The following SNTG1 variants were observed in gnomAD, a reference collection of about 807,000 sequenced individuals.
The protein encoded by SNTG1 is gamma-1-syntrophin.
In SNTG1, 39 loss-of-function variants were observed where a neutral mutation model predicts 74.7. The observed-to-expected ratio is 0.52, with a 90% confidence interval of 0.40 to 0.68. SNTG1 has a LOEUF of 0.68. Among genes scored for constraint, SNTG1 ranks in the 30% least tolerant of loss-of-function variants. SNTG1 has a pLI of 0.00. For synonymous variants in SNTG1, 254 were observed against 217.1 expected, an observed-to-expected ratio of 1.17 and a Z score of -1.49; for missense variants, 685 against 609.5, an observed-to-expected ratio of 1.12 and a Z score of -1.30.
intron 1 of SNTG1, among the ~76,000 whole-genome samples, chr8:50,100,173 A>T (rs203629): frequency 0.45 from 68,591 of 151,926 alleles, 19,324 homozygotes; most frequent in East Asian, 0.68. Context: ...AGAAAAGTTA[A>T]TACCACATGT....
intron 2 of SNTG1, among the ~76,000 whole-genome samples, chr8:50,260,495 T>G (rs147089269): frequency 1.7e-3 from 245 of 142,958 alleles, no homozygotes; most frequent in Non-Finnish European, 3.2e-3. Flanking sequence ...ACCCAGTACA[T>G]CACATCCAGC....
intron 2 of SNTG1, among the ~76,000 whole-genome samples, chr8:50,225,187 T>A (rs2085266679): frequency 6.6e-6 from 1 of 152,094 alleles, no homozygotes; most frequent in African/African-American, 2.4e-5. Flanking sequence ...TTAGACAGGA[T>A]GGTCTTGATC....
intron 1 of SNTG1, among the ~76,000 whole-genome samples, chr8:50,170,102 T>C (rs567321830): frequency 1.2e-4 from 19 of 152,296 alleles, no homozygotes; most frequent in Middle Eastern, 6.8e-3. Context: ...CTTTGGACAT[T>C]GTGTTCTAGT....
At chr8:50,387,166 G>A (rs2092588365) in intron 2 of SNTG1, among the ~76,000 whole-genome samples, 1 of 152,194 alleles carries the variant, frequency 6.6e-6, no homozygotes, top group Middle Eastern at 3.4e-3. Flanking sequence ...CATAACCATG[G>A]CCTCTTTGTC....
chr8:50,191,399 C>G (rs926443292), intron 2 of SNTG1, among the ~76,000 whole-genome samples: 14 of 152,040 alleles, frequency 9.2e-5, no homozygotes, highest in Admixed American at 2.0e-4. Flanking sequence ...ATAGGATGCT[C>G]TAATATGCCA....
At chr8:50,467,281 G>A (rs548383500) in intron 8 of SNTG1, among the ~76,000 whole-genome samples, 2 of 151,938 alleles carry the variant, frequency 1.3e-5, no homozygotes, top group East Asian at 1.9e-4. Context: ...ATTTACTAAC[G>A]AAACTCTAGA....
At position 50,427,379 on chromosome 8, in the gene SNTG1, TAAAGA is replaced by T. The variant is rs1181204617; in HGVS notation, c.163-11160_163-11156del. Among the ~76,000 whole-genome samples, 4 of 152,216 alleles carry T rather than the reference TAAAGA, an allele frequency of 2.6e-5. No individual in the cohort carries two copies. In the East Asian group the frequency reaches 7.7e-4, roughly 29 times the overall value. ...TTAAAAACTGTATTGAAGACACTGT[TAAAGA>T]AAACAGACACTAATGCAAATATTCA... On this transcript the variant is annotated intron_variant, in intron 4 of 18. Coordinates refer to ENST00000642720, the MANE Select transcript of SNTG1 (RefSeq NM_018967.5).
Position 49,938,602 on chromosome 8 carries a change from C to CTTTT in SNTG1, c.-103+26372_-103+26375dup, listed in dbSNP as rs371390753. On this transcript the variant is annotated intron_variant, in intron 1 of 18. Coordinates refer to ENST00000642720, the MANE Select transcript of SNTG1 (RefSeq NM_018967.5). ...CTTTTCTTTTCTTTTCTTTTCTTTTCTTTTCTTTCTTTCTTTCTTTCTTTC... is the reference window on the plus strand; with the variant it reads ...CTTTTCTTTTCTTTTCTTTTCTTTTCTTTTTTTTCTTTCTTTCTTTCTTTCTTTC... Among the ~76,000 whole-genome samples, 13 of 8,104 alleles carry CTTTT rather than the reference C, an allele frequency of 1.6e-3. 1 individual carries two copies. The East Asian group carries it at 0.094, about 58-fold the overall frequency. The allele number at this position is 8,104 out of a possible 152,430, so 5.3% of individuals were successfully genotyped here.
intron 15 of SNTG1, among the ~76,000 whole-genome samples, chr8:50,692,167 C>G (rs535764004): frequency 1.3e-5 from 2 of 151,998 alleles, no homozygotes; most frequent in Admixed American, 1.3e-4. Context: ...TTTTTCAAAG[C>G]TTTTAACTTC....
At chr8:50,567,088 A>C (rs1193009454) in intron 12 of SNTG1, among the ~76,000 whole-genome samples, 1 of 152,096 alleles carries the variant, frequency 6.6e-6, no homozygotes, top group East Asian at 1.9e-4. Flanking sequence ...GATTCTCAAG[A>C]ATCATTATTT....
intron 2 of SNTG1, among the ~76,000 whole-genome samples, chr8:50,291,071 C>T (rs867627455): frequency 7.9e-5 from 12 of 152,264 alleles, no homozygotes; most frequent in African/African-American, 2.4e-4. Flanking sequence ...TTTATTCATT[C>T]TTGCATATGT....
intron 3 of SNTG1, among the ~76,000 whole-genome samples, chr8:50,394,779 A>G (rs899000673): frequency 6.6e-6 from 1 of 151,958 alleles, no homozygotes; most frequent in African/African-American, 2.4e-5. Context: ...TCAAGTTTAC[A>G]GTTCAATAGT....
intron 2 of SNTG1, among the ~76,000 whole-genome samples, chr8:50,304,091 C>T (rs181650702): frequency 3.9e-5 from 6 of 152,222 alleles, no homozygotes; most frequent in Non-Finnish European, 7.4e-5. Flanking sequence ...AGAGGTGGGG[C>T]CTTTAAGAGG....
intron 13 of SNTG1, among the ~76,000 whole-genome samples, chr8:50,650,556 T>G (rs748111881): frequency 6.0e-4 from 92 of 152,174 alleles, no homozygotes; most frequent in Non-Finnish European, 1.1e-3. Context: ...TTAAAAAGAT[T>G]CACTAGTTCC....
At chr8:50,337,379 G>T (rs1190051388) in intron 2 of SNTG1, among the ~76,000 whole-genome samples, 1 of 152,158 alleles carries the variant, frequency 6.6e-6, no homozygotes, top group Non-Finnish European at 1.5e-5. Context: ...ATCTCCTAGA[G>T]GTCAAGCCTC....
Position 50,247,871 on chromosome 8 carries a change from C to G in SNTG1, c.-28+75236C>G, listed in dbSNP as rs569452849. 4.1e-3 allele frequency among the ~76,000 whole-genome samples: 627 copies of G among 151,950 alleles called. 4 individuals are homozygous for G. Among genetic ancestry groups the G allele is most frequent in the African/African-American group, 0.014 (565 of 41,412 alleles). Reference sequence around the variant, plus strand: ...ATTTTCCATGAGCTTTTTGAAGACCCTTTGTATTTATTGTCTCATAATTTT... The same window carrying G: ...ATTTTCCATGAGCTTTTTGAAGACCGTTTGTATTTATTGTCTCATAATTTT... On this transcript the variant is annotated intron_variant, in intron 2 of 18. Coordinates refer to ENST00000642720, the MANE Select transcript of SNTG1 (RefSeq NM_018967.5).
chr8:50,293,865 C>T (rs1019415607), intron 2 of SNTG1, among the ~76,000 whole-genome samples: 3 of 151,928 alleles, frequency 2.0e-5, no homozygotes, highest in Non-Finnish European at 4.4e-5. Context: ...TTTATGGGAG[C>T]TGTGACTTGA....
rs77754093 is a variant in SNTG1, at chr8:50,036,223, A to C, written c.-103+123992A>C. 1.1e-4 allele frequency among the ~76,000 whole-genome samples: 16 copies of C among 152,316 alleles called. No individual in the cohort carries two copies. The South Asian group carries it at 2.7e-3, about 26-fold the overall frequency. On this transcript the variant is annotated intron_variant, in intron 1 of 18. Transcript: ENST00000642720. ...ACATTATCTCTCTTAAACACACACAAAAAAAGCTACAAAACAGTTCAACAC... is the reference window on the plus strand; with the variant it reads ...ACATTATCTCTCTTAAACACACACACAAAAAGCTACAAAACAGTTCAACAC...
intron 2 of SNTG1, among the ~76,000 whole-genome samples, chr8:50,193,967 C>G (rs2083672107): frequency 6.6e-6 from 1 of 152,026 alleles, no homozygotes; most frequent in South Asian, 2.1e-4. Flanking sequence ...TTGTGGCGTA[C>G]CACATTTATT....
Sources: allele counts gnomAD v4.1 joint callset (sites outside exome capture counted in the v4.1 genomes callset), GRCh38; gene constraint gnomAD v4.1.1; transcripts MANE v1.5; gene names NCBI Gene and HGNC (gene_info 2026-07-23, HGNC 2026-07-21).